The following PVT1 variants were observed in gnomAD, a reference collection of about 807,000 sequenced individuals.
PVT1 encodes Pvt1 oncogene, also known as CXCR4/PVT1 fusion.
chr8:128,049,301 G>A, intron 4 of PVT1: 1 of 469,466 alleles, frequency 2.1e-6, no homozygotes, highest in South Asian at 1.5e-5. Flanking sequence ...ACTGATAGAA[G>A]CAGGGCAAGG....
chr8:127,951,612 A>G (rs1816506697), intron 3 of PVT1, among the ~76,000 whole-genome samples: 1 of 152,188 alleles, frequency 6.6e-6, no homozygotes, highest in Admixed American at 6.5e-5. Context: ...CCCGGTCATT[A>G]CATGCCTAGA....
At chr8:127,932,195 G>T (rs1181272802) in intron 3 of PVT1, among the ~76,000 whole-genome samples, 3 of 152,212 alleles carry the variant, frequency 2.0e-5, no homozygotes, top group Admixed American at 6.5e-5. Context: ...AGCACTCGAG[G>T]CAGGTGAGGC....
intron 4 of PVT1, among the ~76,000 whole-genome samples, chr8:128,003,543 A>G (rs1586476745): frequency 6.6e-6 from 1 of 151,964 alleles, no homozygotes; most frequent in East Asian, 2.0e-4. Context: ...ACAGGATTTC[A>G]TCATGTTGCC....
chr8:127,935,296 T>C (rs1816259772), intron 3 of PVT1, among the ~76,000 whole-genome samples: 1 of 152,156 alleles, frequency 6.6e-6, no homozygotes, highest in Non-Finnish European at 1.5e-5. Flanking sequence ...TTTTTAAGCC[T>C]CTTCCTTTAG....
At chr8:128,060,372 A>G (rs1050869348) in intron 4 of PVT1, among the ~76,000 whole-genome samples, 3 of 152,244 alleles carry the variant, frequency 2.0e-5, no homozygotes, top group Non-Finnish European at 4.4e-5. Context: ...AGGGCCAGAC[A>G]CACAGAGGCA....
chr8:127,937,574 C>CAG (rs1403061270), intron 3 of PVT1, among the ~76,000 whole-genome samples: 2 of 96,232 alleles, frequency 2.1e-5, no homozygotes, highest in Non-Finnish European at 4.9e-5. Flanking sequence ...CACACACACA[C>CAG]ACACACAGAG....
At chr8:128,095,766 G>T (rs1214105002) in intron 5 of PVT1, among the ~76,000 whole-genome samples, 1 of 152,210 alleles carries the variant, frequency 6.6e-6, no homozygotes, top group Non-Finnish European at 1.5e-5. Context: ...ATTTTCCCTT[G>T]TTTGTTAGCG....
At chr8:127,955,816 C>T (rs1816562111) in intron 3 of PVT1, among the ~76,000 whole-genome samples, 1 of 152,162 alleles carries the variant, frequency 6.6e-6, no homozygotes, top group African/African-American at 2.4e-5. Flanking sequence ...AACTCCTAGC[C>T]TCAAGTGATC....
At chr8:127,913,673 T>A (rs1815938868) in intron 3 of PVT1, among the ~76,000 whole-genome samples, 1 of 152,008 alleles carries the variant, frequency 6.6e-6, no homozygotes. Context: ...CACATTTCCT[T>A]CTCTTCTGCT....
chr8:128,003,248 TTCCTTCCTTCCTTCTTTCCC>T (rs1431212160), intron 4 of PVT1, among the ~76,000 whole-genome samples: 2 of 117,666 alleles, frequency 1.7e-5, no homozygotes, highest in Non-Finnish European at 3.3e-5. Context: ...CCTTCCTTCT[TTCCTTCCTTCCTTCTTTCCC>T]TCCTTCCTTC....
intron 2 of PVT1, among the ~76,000 whole-genome samples, chr8:127,796,642 T>C (rs1173586265): frequency 6.6e-6 from 1 of 152,132 alleles, no homozygotes; most frequent in African/African-American, 2.4e-5. Context: ...TCCTCCTGTT[T>C]GTGTGAGTGG....
intron 5 of PVT1, among the ~76,000 whole-genome samples, chr8:128,095,673 A>G (rs1400709388): frequency 6.6e-6 from 1 of 152,122 alleles, no homozygotes; most frequent in Non-Finnish European, 1.5e-5. Flanking sequence ...TAAAATATAT[A>G]TTGTCTGGCT....
intron 4 of PVT1, among the ~76,000 whole-genome samples, chr8:127,993,215 T>C (rs1398169910): frequency 2.6e-4 from 39 of 152,296 alleles, no homozygotes. Flanking sequence ...TAGGGGAAAA[T>C]GTGCCCAACT....
At chr8:128,035,794 T>G (rs1009914995) in intron 4 of PVT1, among the ~76,000 whole-genome samples, 3 of 152,178 alleles carry the variant, frequency 2.0e-5, no homozygotes, top group Non-Finnish European at 4.4e-5. Flanking sequence ...GGAGGAGATA[T>G]GACCATGGAA....
At chr8:127,894,231 G>T (rs1000722796) in intron 3 of PVT1, among the ~76,000 whole-genome samples, 1 of 152,120 alleles carries the variant, frequency 6.6e-6, no homozygotes, top group Non-Finnish European at 1.5e-5. Flanking sequence ...TTCCCCACGG[G>T]GTGCCTGGAG....
chr8:127,994,114 G>A (rs903681611), intron 4 of PVT1, among the ~76,000 whole-genome samples: 4 of 152,134 alleles, frequency 2.6e-5, no homozygotes, highest in African/African-American at 7.2e-5. Flanking sequence ...GTACTCTCTT[G>A]TGCTGCTCCT....
intron 4 of PVT1, among the ~76,000 whole-genome samples, chr8:128,051,686 A>G (rs1203205700): frequency 6.6e-6 from 1 of 151,294 alleles, no homozygotes; most frequent in Non-Finnish European, 1.5e-5. Context: ...CTTTGACCTC[A>G]TTGATTCCAT....
At chr8:128,084,609 C>T (rs968110284) in intron 5 of PVT1, among the ~76,000 whole-genome samples, 1 of 152,210 alleles carries the variant, frequency 6.6e-6, no homozygotes, top group East Asian at 1.9e-4. Context: ...GAAACCAGAA[C>T]ATTCTGTAGC....
chr8:127,948,046 CCTA>C (rs1816446941), intron 3 of PVT1: 1 of 392,616 alleles, frequency 2.5e-6, no homozygotes. Flanking sequence ...TGTTGAAATT[CCTA>C]GAATCCCAGA....
Sources: gnomAD v4.1 joint callset for allele counts (sites outside exome capture counted in the v4.1 genomes callset) on GRCh38, gnomAD v4.1.1 for gene constraint, MANE v1.5 for transcripts, NCBI Gene and HGNC (gene_info 2026-07-23, HGNC 2026-07-21) for gene names.